The following EGFLAM variants were observed in gnomAD, a reference collection of about 807,000 sequenced individuals.
EGFLAM encodes the protein pikachurin.
EGFLAM carries 79 observed loss-of-function variants against 113.1 expected under a neutral mutation model. The ratio of observed to expected loss-of-function variants is 0.70; its 90% confidence interval spans 0.58 to 0.84. EGFLAM has a LOEUF of 0.84. Among genes scored for constraint, EGFLAM ranks in the 40% least tolerant of loss-of-function variants. The pLI is 0.00. For missense variants in EGFLAM, 1,265 were observed against 1,291.6 expected, an observed-to-expected ratio of 0.98 and a Z score of 0.32; for synonymous variants, 504 against 487.6, an observed-to-expected ratio of 1.03 and a Z score of -0.44.
At position 38,439,521 on chromosome 5, in the gene EGFLAM, G is replaced by T. The variant is rs148673194; in HGVS notation, c.2464+1066G>T. On this transcript the variant is annotated intron_variant, in intron 17 of 21. Transcript: ENST00000322350. The stretch of plus-strand genomic sequence containing the variant: ...GAGGAAAACTATAAATTACAGGTAG[G>T]TATGTTGGTATATGGAATGGTAGGA... Among the ~76,000 whole-genome samples the T allele has an allele frequency of 4.9e-3, 740 of 152,250 alleles. 4 individuals are homozygous for T. The highest frequency in any genetic ancestry group is 0.014 in the Middle Eastern group (4 of 292).
chr5:38,398,567 A>G (rs767505455), intron 6 of EGFLAM, among the ~76,000 whole-genome samples: 2 of 152,228 alleles, frequency 1.3e-5, no homozygotes, highest in Non-Finnish European at 2.9e-5. Context: ...AGTGAGGGAT[A>G]AGATTTCTAA....
chr5:38,361,497 ACAGG>A, intron 5 of EGFLAM, among the ~76,000 whole-genome samples: 1 of 152,334 alleles, frequency 6.6e-6, no homozygotes, highest in Admixed American at 6.5e-5. Context: ...GCATTTGGAC[ACAGG>A]CAGTCATGGG....
At chr5:38,425,147 T>C (rs937753593) in intron 13 of EGFLAM, 55 bp downstream of exon 13, 3 of 1,586,794 alleles carry the variant, frequency 1.9e-6, no homozygotes, top group African/African-American at 1.4e-5. Flanking sequence ...TTTGTGTAGA[T>C]GTACTTTATC....
intron 3 of EGFLAM, among the ~76,000 whole-genome samples, chr5:38,341,355 A>G (rs1462862614): frequency 6.6e-6 from 1 of 152,204 alleles, no homozygotes; most frequent in East Asian, 1.9e-4. Flanking sequence ...AGAGGGAATG[A>G]GTGCTGAGTG....
chr5:38,380,953 C>T (rs1158179642), intron 6 of EGFLAM, among the ~76,000 whole-genome samples: 1 of 152,176 alleles, frequency 6.6e-6, no homozygotes, highest in Admixed American at 6.5e-5. Flanking sequence ...AAGGAACTCA[C>T]GATGCTCTGA....
intron 1 of EGFLAM, among the ~76,000 whole-genome samples, chr5:38,294,059 C>T (rs1022528777): frequency 6.6e-6 from 1 of 152,212 alleles, no homozygotes; most frequent in Non-Finnish European, 1.5e-5. Context: ...ATCATCTATT[C>T]TCACTCATGT....
intron 5 of EGFLAM, among the ~76,000 whole-genome samples, chr5:38,362,813 G>C (rs1351716650): frequency 3.3e-5 from 5 of 152,198 alleles, no homozygotes; most frequent in Admixed American, 2.6e-4. Context: ...AGGATTTAAA[G>C]AAGTCCGACC....
At position 38,258,729 on chromosome 5, in the gene EGFLAM, G is replaced by A. The variant is rs1313412996; in HGVS notation, c.-26G>A. On this transcript the variant is annotated 5_prime_UTR_variant, in exon 1 of 22. Coordinates refer to ENST00000322350, the MANE Select transcript of EGFLAM (RefSeq NM_152403.4). ...TTTCCGTGTGCGCCCGGGACTTGGT[G>A]AAACTTTGCAGGCGCCGGCTGCGAA... The A allele has an allele frequency of 1.3e-6, 2 of 1,593,754 alleles. No individual in the cohort carries two copies. The highest frequency in any genetic ancestry group is 1.3e-5 in the African/African-American group (1 of 74,572).
chr5:38,388,160 CT>C (rs1222612093), intron 6 of EGFLAM, among the ~76,000 whole-genome samples: 2 of 152,144 alleles, frequency 1.3e-5, no homozygotes, highest in Non-Finnish European at 2.9e-5. Context: ...CCTGACACAC[CT>C]TTTTAATTAA....
chr5:38,293,328 G>A (rs2111800626), intron 1 of EGFLAM, among the ~76,000 whole-genome samples: 1 of 152,254 alleles, frequency 6.6e-6, no homozygotes, highest in Middle Eastern at 3.4e-3. Context: ...TTTCTTGTTT[G>A]TAAAGTAAAT....
intron 1 of EGFLAM, among the ~76,000 whole-genome samples, chr5:38,322,298 C>G (rs189912421): frequency 2.0e-5 from 3 of 152,124 alleles, no homozygotes; most frequent in African/African-American, 7.2e-5. Flanking sequence ...GAAAAGGGCT[C>G]GGGACTCTCT....
intron 1 of EGFLAM, among the ~76,000 whole-genome samples, chr5:38,308,034 T>C (rs1218481687): frequency 6.6e-6 from 1 of 152,204 alleles, no homozygotes; most frequent in Non-Finnish European, 1.5e-5. Flanking sequence ...CACCATACTG[T>C]TGTGTGGGAA....
chr5:38,341,303 C>T (rs566412303), intron 3 of EGFLAM, among the ~76,000 whole-genome samples: 6 of 152,262 alleles, frequency 3.9e-5, no homozygotes, highest in East Asian at 1.9e-4. Context: ...CCTCAGGAGA[C>T]GTACAACCAT....
At chr5:38,382,573 CAAGTGGA>C (rs1229062322) in intron 6 of EGFLAM, among the ~76,000 whole-genome samples, 1 of 152,204 alleles carries the variant, frequency 6.6e-6, no homozygotes, top group Non-Finnish European at 1.5e-5. Flanking sequence ...AGCTGATCAG[CAAGTGGA>C]TGGTATTCTG....
intron 17 of EGFLAM, among the ~76,000 whole-genome samples, chr5:38,444,717 G>T (rs912782466): frequency 6.6e-6 from 1 of 152,194 alleles, no homozygotes; most frequent in African/African-American, 2.4e-5. Flanking sequence ...GGCCCAGGCA[G>T]GTGGATCACC....
At chr5:38,260,931 A>G (rs747893537) in intron 1 of EGFLAM, among the ~76,000 whole-genome samples, 5 of 152,212 alleles carry the variant, frequency 3.3e-5, no homozygotes, top group Non-Finnish European at 7.3e-5. Context: ...AAATCCTGCT[A>G]GTATCCATAT....
At chr5:38,359,175 C>A (rs1038428778) in intron 5 of EGFLAM, among the ~76,000 whole-genome samples, 1 of 152,160 alleles carries the variant, frequency 6.6e-6, no homozygotes, top group Non-Finnish European at 1.5e-5. Context: ...CCTGGAAAAA[C>A]GTTCCTCATC....
intron 1 of EGFLAM, among the ~76,000 whole-genome samples, chr5:38,274,730 G>C (rs1056021095): frequency 1.3e-5 from 2 of 152,032 alleles, no homozygotes; most frequent in African/African-American, 2.4e-5. Context: ...GAAAGAAAAG[G>C]GTGCCAATGA....
intron 1 of EGFLAM, among the ~76,000 whole-genome samples, chr5:38,321,383 C>T (rs1030832239): frequency 3.4e-4 from 52 of 152,308 alleles, no homozygotes; most frequent in African/African-American, 1.2e-3. Flanking sequence ...TCACCCACCA[C>T]TCAACTCCTG....
Sources: gnomAD v4.1 joint callset for allele counts (sites outside exome capture counted in the v4.1 genomes callset) on GRCh38, gnomAD v4.1.1 for gene constraint, MANE v1.5 for transcripts, NCBI Gene and HGNC (gene_info 2026-07-23, HGNC 2026-07-21) for gene names.